The following UHMK1 variants were observed in gnomAD, a reference collection of about 807,000 sequenced individuals.
UHMK1 encodes serine/threonine-protein kinase Kist.
A neutral mutation model predicts 44.0 loss-of-function variants in UHMK1; 18 were observed. The ratio of observed to expected loss-of-function variants is 0.41; its 90% confidence interval spans 0.28 to 0.61. UHMK1 has a LOEUF of 0.61. UHMK1 is among the 20% of genes least tolerant of loss of function. The pLI is 0.31. For synonymous variants in UHMK1, 231 were observed against 198.5 expected (o/e 1.16, Z -1.38); for missense variants, 463 against 522.5 (o/e 0.89, Z 1.11).
chr1:162,519,313 C>G (rs1408266591), intron 7 of UHMK1, among the ~76,000 whole-genome samples: 1 of 55,298 alleles, frequency 1.8e-5, no homozygotes, highest in Non-Finnish European at 2.9e-5. Context: ...GAGACTCCAT[C>G]TTAAAAAAAA....
In UHMK1 at chr1:162,498,148, C is replaced by G. The variant is rs777900369; in HGVS notation, c.148C>G (p.Pro50Ala). ...CTGCTGCGGCAACCCTGGCTCGCCC[C>G]CCGGCGCCCTCAAGCAGTTCTTGCC... is the stretch of plus-strand genomic sequence containing the variant. ...VRCCGNPGSPPGALKQFLPPG... is the reference protein window; with the variant it reads ...VRCCGNPGSPAGALKQFLPPG... The change falls in exon 1 of 8, where the codon CCC (proline) becomes GCC (alanine). Residue 50 changes from proline (P) to alanine (A), a missense_variant. This residue lies in a region of UHMK1 where 191 missense variants were observed against 176.0 expected (regional missense o/e 1.09). Transcript: ENST00000489294. 2.5e-6 allele frequency: 4 copies of G among 1,612,842 alleles called. No individual in the cohort carries two copies. Among genetic ancestry groups the G allele is most frequent in the Middle Eastern group, 1.6e-4 (1 of 6,064 alleles).
chr1:162,522,296 G>A, intron 7 of UHMK1, 108 bp from the exon 8 acceptor site: 1 of 1,313,720 alleles, frequency 7.6e-7, no homozygotes, highest in Non-Finnish European at 1.0e-6. Context: ...AGCAAAATCT[G>A]CATTTTAATA....
chr1:162,512,398 A>G, intron 4 of UHMK1, 102 bp from the exon 5 acceptor site: 2 of 891,916 alleles, frequency 2.2e-6, no homozygotes, highest in Non-Finnish European at 3.5e-6. Context: ...ATGCTAATAT[A>G]ATTAATGCTG....
intron 3 of UHMK1, among the ~76,000 whole-genome samples, chr1:162,503,187 G>A (rs1651338052): frequency 6.6e-6 from 1 of 152,042 alleles, no homozygotes; most frequent in East Asian, 1.9e-4. Flanking sequence ...ATTCTTATGT[G>A]GTTACTTCGG....
intron 4 of UHMK1, among the ~76,000 whole-genome samples, chr1:162,507,828 C>T (rs567654235): frequency 1.3e-5 from 2 of 151,954 alleles, no homozygotes; most frequent in East Asian, 1.9e-4. Flanking sequence ...ACTCGTGATC[C>T]GCCTGCTTCG....
In UHMK1 at chr1:162,524,629, C is replaced by G. The variant is rs1429689926; in HGVS notation, c.*2079C>G. Reference sequence around the variant, plus strand: ...ATCCTAAGTTAGCACATTTACTTTTCTCTCCCCTCCGCCCCCAAAAGAAAA... The same window carrying G: ...ATCCTAAGTTAGCACATTTACTTTTGTCTCCCCTCCGCCCCCAAAAGAAAA... On this transcript the variant is annotated 3_prime_UTR_variant, in exon 8 of 8. Transcript: ENST00000489294. 6.6e-6 allele frequency: 1 copy of G among 152,172 alleles called. No individual in the cohort carries two copies. Among genetic ancestry groups the G allele is most frequent in the East Asian group, 1.9e-4 (1 of 5,192 alleles). The allele number at this position is 152,172 out of a possible 1,614,324, so 9.4% of individuals were successfully genotyped here.
intron 6 of UHMK1, among the ~76,000 whole-genome samples, chr1:162,513,688 A>T (rs1215039868): frequency 6.6e-6 from 1 of 152,216 alleles, no homozygotes; most frequent in Non-Finnish European, 1.5e-5. Context: ...CATAGATATG[A>T]AAGTGTCAGA....
chr1:162,518,672 AGT>A (rs1378831923), intron 7 of UHMK1, among the ~76,000 whole-genome samples: 1 of 143,316 alleles, frequency 7.0e-6, no homozygotes, highest in Non-Finnish European at 1.5e-5. Flanking sequence ...AGGAGAAATG[AGT>A]GAGACTTCAT....
In UHMK1 at chr1:162,528,955, G is replaced by T. The variant is rs916176085; in HGVS notation, c.*6405G>T. On this transcript the variant is annotated 3_prime_UTR_variant, in exon 8 of 8. Transcript: ENST00000489294. ...ATGGCATCCTGTGTCAGCTGGAGTA[G>T]TTGGTTGTGAATATTAAAACCTAGT... is the stretch of plus-strand genomic sequence containing the variant. The T allele has an allele frequency of 6.6e-6, 1 of 152,068 alleles. No homozygotes were observed. Among genetic ancestry groups the T allele is most frequent in the Non-Finnish European group, 1.5e-5 (1 of 67,974 alleles). 9.4% of individuals were successfully genotyped at this position (152,068 alleles called of 1,614,324 possible).
intron 4 of UHMK1, among the ~76,000 whole-genome samples, chr1:162,507,153 C>T (rs1651497305): frequency 6.7e-6 from 1 of 149,214 alleles, no homozygotes; most frequent in African/African-American, 2.5e-5. Context: ...GGAGTTTTTG[C>T]TCGTTGCCCA....
rs763592521 is a variant in UHMK1 at position 162,498,035 on chromosome 1, C to G, written c.35C>G (p.Pro12Arg). 6.3e-7 allele frequency: 1 copy of G among 1,598,808 alleles called. No homozygotes were observed. Among genetic ancestry groups the G allele is most frequent in the Non-Finnish European group, 8.5e-7 (1 of 1,171,310 alleles). The change falls in exon 1 of 8, where the codon CCG (proline) becomes CGG (arginine). Residue 12 changes from proline (P) to arginine (R), a missense_variant. Around this residue, in one of 3 missense-constraint regions of UHMK1, gnomAD observed 191 missense variants for 176.0 expected, o/e 1.09. Transcript: ENST00000489294. ...TCCGGCTGCGCCTGGGGCGCGGAGC[C>G]GCCGCGTTTTCTGGAGGCCTTCGGG... ...AGSGCAWGAEPPRFLEAFGRL... is the reference protein window; with the variant it reads ...AGSGCAWGAERPRFLEAFGRL...
chr1:162,510,120 CAT>C (rs1444563263), intron 4 of UHMK1, among the ~76,000 whole-genome samples: 1 of 151,904 alleles, frequency 6.6e-6, no homozygotes, highest in Non-Finnish European at 1.5e-5. Context: ...TTGTATGTAT[CAT>C]GTACAACGTG....
rs368183155 is a variant in UHMK1 at position 162,500,922 on chromosome 1, T to C, written c.571T>C (p.Tyr191His). ...TACTCATCTTTTTTAGGATGTAAAG[T>C]ATATTCAGACAGACGGGTATCGGGC... The part of the protein sequence containing the change: ...SFKEGNQDVK[Y>H]IQTDGYRAPE... The change falls in exon 3 of 8, where the codon TAT becomes CAT. Residue 191 changes from tyrosine to histidine, a missense_variant. Around this residue, in one of 3 missense-constraint regions of UHMK1, gnomAD observed 264 missense variants for 326.3 expected, o/e 0.81. Transcript: ENST00000489294. The C allele has an allele frequency of 2.7e-5, 44 of 1,613,118 alleles. No homozygotes were observed. Among genetic ancestry groups the C allele is most frequent in the Non-Finnish European group, 3.7e-5 (44 of 1,179,622 alleles).
At chr1:162,512,133 C>T in intron 4 of UHMK1, among the ~76,000 whole-genome samples, 1 of 146,712 alleles carries the variant, frequency 6.8e-6, no homozygotes. Flanking sequence ...TATCTAGTTG[C>T]TTTATTATTA....
chr1:162,513,400 C>T (rs1651736005), intron 6 of UHMK1, among the ~76,000 whole-genome samples: 1 of 152,052 alleles, frequency 6.6e-6, no homozygotes, highest in South Asian at 2.1e-4. Flanking sequence ...CTCTTTTTTG[C>T]TTTTAACATT....
rs544214133 is a variant in UHMK1, at chr1:162,498,033, G to A, written c.33G>A (p.Glu11=). 455 of 1,598,508 alleles carry A rather than the reference G, an allele frequency of 2.8e-4. 7 individuals are homozygous for A. The South Asian group carries it at 4.8e-3, about 17-fold the overall frequency. Reference sequence around the variant, plus strand: ...GATCCGGCTGCGCCTGGGGCGCGGAGCCGCCGCGTTTTCTGGAGGCCTTCG... The same window carrying A: ...GATCCGGCTGCGCCTGGGGCGCGGAACCGCCGCGTTTTCTGGAGGCCTTCG... The part of the protein sequence containing the change: MAGSGCAWGA[E]PPRFLEAFGR... The change falls in exon 1 of 8, where the codon GAG becomes GAA. Residue 11 remains glutamate, a synonymous_variant. Coordinates refer to ENST00000489294, the MANE Select transcript of UHMK1 (RefSeq NM_175866.5).
chr1:162,504,271 A>G (rs1470467903), intron 4 of UHMK1, among the ~76,000 whole-genome samples: 2 of 152,216 alleles, frequency 1.3e-5, no homozygotes, highest in Non-Finnish European at 2.9e-5. Context: ...CTGGGGACAG[A>G]TACAGTTTTT....
chr1:162,503,631 A>G, intron 3 of UHMK1, 123 bp from the exon 4 acceptor site: 2 of 533,168 alleles, frequency 3.8e-6, no homozygotes, highest in Non-Finnish European at 3.2e-6. Flanking sequence ...AAAAAAAAAA[A>G]GATTGTAGGC....
chr1:162,510,111 T>G (rs1040376834), intron 4 of UHMK1, among the ~76,000 whole-genome samples: 1 of 152,230 alleles, frequency 6.6e-6, no homozygotes, highest in South Asian at 2.1e-4. Flanking sequence ...GACATAAAAT[T>G]GTATGTATCA....
Sources: gnomAD v4.1 joint callset for allele counts (sites outside exome capture counted in the v4.1 genomes callset) on GRCh38, gnomAD v4.1.1 for gene constraint, gnomAD v4.1.1 regional missense constraint, MANE v1.5 for transcripts, NCBI Gene and HGNC (gene_info 2026-07-23, HGNC 2026-07-21) for gene names.